The following PEX6 variants were observed in gnomAD, a reference collection of about 807,000 sequenced individuals.
PEX6 encodes peroxisome biogenesis factor 6.
PEX6 carries 55 observed loss-of-function variants against 85.6 expected under a neutral mutation model. The ratio of observed to expected loss-of-function variants is 0.64; its 90% CI spans 0.52 to 0.80. PEX6 has a LOEUF of 0.80. Ranked by LOEUF, PEX6 falls within the 30% of genes least tolerant of loss-of-function variation. PEX6 has a pLI of 0.00. For missense variants in PEX6, 1,099 were observed against 1,260.3 expected (o/e 0.87, Z 1.94); for synonymous variants, 519 against 549.1 (o/e 0.95, Z 0.77).
Position 42,966,382 on chromosome 6 carries a change from G to C in PEX6, c.2160C>G (p.Thr720=). Residue 720 remains threonine (T), a synonymous_variant, in exon 11 of 17, where the codon ACC becomes ACG. Transcript: ENST00000304611. ...LQEVKKEILE[T]IQLPLEHPEL... is the part of the protein sequence containing the mutation. ...CAGGGTGCTCCAGGGGGAGCTGAAT[G>C]GTCTCCAGGATCTCCTTCTTCACCT... 1 of 1,614,084 alleles carries C rather than the reference G, an allele frequency of 6.2e-7. No individual in the cohort carries two copies. Among genetic ancestry groups the C allele is most frequent in the Non-Finnish European group, 8.5e-7 (1 of 1,180,002 alleles).
chr6:42,973,039 T>C, intron 3 of PEX6, among the ~76,000 whole-genome samples: 1 of 151,966 alleles, frequency 6.6e-6, no homozygotes, highest in Non-Finnish European at 1.5e-5. Context: ...TGAGATGGAG[T>C]CTTGCTGTGT....
rs905371071 is a variant in PEX6 at position 42,971,656 on chromosome 6, G to A, written c.1131-1669C>T. ...TCTCAAGCCCAGTGCAGCTTAAAACGCTCATCTGTATCTGTCCTTGGACCC... is the reference window on the plus strand; with the variant it reads ...TCTCAAGCCCAGTGCAGCTTAAAACACTCATCTGTATCTGTCCTTGGACCC... On this transcript the variant is annotated intron_variant, in intron 3 of 16. Transcript: ENST00000304611. The surrounding 1 kb of genome is among the most constrained non-coding windows in gnomAD (Gnocchi z 4.4). Among the ~76,000 whole-genome samples the A allele has an allele frequency of 9.9e-5, 15 of 152,204 alleles. No homozygotes were observed. The highest frequency in any genetic ancestry group is 3.6e-4 in the African/African-American group (15 of 41,448).
At chr6:42,976,214 A>G (rs1770292829) in intron 1 of PEX6, among the ~76,000 whole-genome samples, 1 of 152,110 alleles carries the variant, frequency 6.6e-6, no homozygotes, top group Admixed American at 6.6e-5. Flanking sequence ...CATGTTAGCC[A>G]GGCTTACTTT....
In PEX6 at chr6:42,979,147, C is replaced by G; in HGVS notation, c.4G>C (p.Ala2Pro). The change falls in exon 1 of 17, where the codon GCG (alanine) becomes CCG (proline). Residue 2 changes from alanine to proline, a missense_variant. Ala to Pro is a conservative substitution (Grantham distance 27). Coordinates refer to ENST00000304611, the MANE Select transcript of PEX6 (RefSeq NM_000287.4). ...TCCAGGACCCGCAAGACAGCCAGCG[C>G]CATGGTGACAGGACACCAACGAGGA... M[A>P]LAVLRVLEPF... 1 of 1,578,270 alleles carries G rather than the reference C, an allele frequency of 6.3e-7. No individual in the cohort carries two copies. Among genetic ancestry groups the G allele is most frequent in the Non-Finnish European group, 8.5e-7 (1 of 1,170,814 alleles).
At chr6:42,967,689 G>T in intron 7 of PEX6, 126 bp from the exon 8 acceptor site, 2 of 765,042 alleles carry the variant, frequency 2.6e-6, no homozygotes, top group Non-Finnish European at 4.4e-6. Context: ...GTAGGGAGAT[G>T]AGCATCTACC....
In PEX6 at chr6:42,979,109, G is replaced by A. The variant is rs1375938727; in HGVS notation, c.42C>T (p.Thr14=). The change falls in exon 1 of 17, where the codon ACC becomes ACT. Residue 14 remains threonine, a synonymous_variant. Coordinates refer to ENST00000304611, the MANE Select transcript of PEX6 (RefSeq NM_000287.4). ...AVLRVLEPFP[T]ETPPLAVLLP... The stretch of plus-strand genomic sequence containing the variant: ...GCAGCACTGCCAACGGGGGTGTCTC[G>A]GTCGGAAAGGGCTCCAGGACCCGCA... The A allele has an allele frequency of 6.4e-7, 1 of 1,566,390 alleles. No individual in the cohort carries two copies. Among genetic ancestry groups the A allele is most frequent in the Non-Finnish European group, 8.6e-7 (1 of 1,164,816 alleles).
chr6:42,972,693 C>T (rs1315841665), intron 3 of PEX6, among the ~76,000 whole-genome samples: 1 of 151,170 alleles, frequency 6.6e-6, no homozygotes, highest in African/African-American at 2.4e-5. Context: ...TGGCATGAAC[C>T]CGGGAGGCGG....
Position 42,978,620 on chromosome 6 carries a change from TG to T in PEX6, c.530del (p.Pro177HisfsTer29), listed in dbSNP as rs61753213. ...CAAAGGAGGACACCACGGGCGGGGG[TG>T]GGGGCCGACTGCTGTCCCCAGACTC... ...CPESGDSSRP[P>X]PPPVVSSFAV... is the part of the protein sequence containing the mutation. On this transcript the variant is annotated frameshift_variant, in exon 1 of 17. Transcript: ENST00000304611. LOFTEE classifies it high-confidence loss of function. 26 of 1,597,382 alleles carry T rather than the reference TG, an allele frequency of 1.6e-5. No homozygotes were observed. Among genetic ancestry groups the T allele is most frequent in the Non-Finnish European group, 1.7e-6 (2 of 1,175,748 alleles).
At chr6:42,976,194 G>A (rs868343470) in intron 1 of PEX6, among the ~76,000 whole-genome samples, 5 of 151,792 alleles carry the variant, frequency 3.3e-5, no homozygotes, top group Non-Finnish European at 5.9e-5. Flanking sequence ...AAATAGAGAT[G>A]GGGTTTCGCC....
intron 1 of PEX6, among the ~76,000 whole-genome samples, chr6:42,975,314 T>G (rs1286780012): frequency 6.6e-6 from 1 of 152,116 alleles, no homozygotes; most frequent in Non-Finnish European, 1.5e-5. Flanking sequence ...GCCAGTGAAA[T>G]GGTAAAGACA....
intron 3 of PEX6, 147 bp from the exon 4 acceptor site, chr6:42,970,134 T>C: frequency 1.4e-6 from 1 of 715,998 alleles, no homozygotes; most frequent in South Asian, 1.5e-5. Context: ...GCAGATGGAC[T>C]TTCTCATCTT....
chr6:42,968,253 C>T (rs376954362), intron 7 of PEX6, 37 bp downstream of exon 7: 7 of 1,580,178 alleles, frequency 4.4e-6, no homozygotes, highest in Middle Eastern at 1.8e-4. Context: ...CCCAGCCGGC[C>T]CCCCCAGCTT....
chr6:42,969,465 A>T (rs992754208), intron 5 of PEX6, among the ~76,000 whole-genome samples: 1 of 152,168 alleles, frequency 6.6e-6, no homozygotes, highest in Non-Finnish European at 1.5e-5. Flanking sequence ...CCTGGAGGAC[A>T]GAGGTTATCC....
At chr6:42,972,887 AG>A (rs1388886389) in intron 3 of PEX6, among the ~76,000 whole-genome samples, 5 of 152,026 alleles carry the variant, frequency 3.3e-5, no homozygotes, top group Non-Finnish European at 5.9e-5. Flanking sequence ...CCTTACGTTG[AG>A]ATATGGATGG....
intron 3 of PEX6, among the ~76,000 whole-genome samples, chr6:42,973,673 C>G (rs187350047): frequency 6.6e-6 from 1 of 152,016 alleles, no homozygotes; most frequent in African/African-American, 2.4e-5. Context: ...GTCAACATGG[C>G]GAAACCCTAT....
intron 6 of PEX6, 138 bp from the exon 7 acceptor site, chr6:42,968,636 T>A: frequency 1.2e-6 from 1 of 813,712 alleles, no homozygotes; most frequent in East Asian, 2.7e-5. Flanking sequence ...CCTGGCCAAG[T>A]CCTACCTCTT....
In PEX6 at chr6:42,971,737, G is replaced by A. The variant is rs552952080; in HGVS notation, c.1131-1750C>T. 6.5e-4 allele frequency among the ~76,000 whole-genome samples: 99 copies of A among 152,206 alleles called. No homozygotes were observed. Among genetic ancestry groups the A allele is most frequent in the Non-Finnish European group, 1.2e-3 (85 of 68,036 alleles). On this transcript the variant is annotated intron_variant, in intron 3 of 16. Transcript: ENST00000304611. The surrounding 1 kb of genome is among the most constrained non-coding windows in gnomAD (Gnocchi z 4.4). ...TTGCGGGGAAAAGAACTATGTGCTC[G>A]GCACTCAGGAGGAAAGCAGGGTTCT...
intron 2 of PEX6, 96 bp from the exon 3 acceptor site, chr6:42,974,182 G>T: frequency 2.2e-6 from 2 of 911,860 alleles, no homozygotes; most frequent in Non-Finnish European, 3.6e-6. Flanking sequence ...ACTACTTCTT[G>T]AGTCTACTGC....
In PEX6 at chr6:42,964,618, T is replaced by C; in HGVS notation, c.2807-147A>G. On this transcript the variant is annotated intron_variant, in intron 16 of 16. Transcript: ENST00000304611. This position sits in a 1 kb window ranked among gnomAD's most constrained non-coding sequence, Gnocchi z 4.6. Reference sequence around the variant, plus strand: ...GGTTTGTCTCCCACTAGTTTTTTTTTTCCCTTAAACATTTTTTTTAGAGTT... The same window carrying C: ...GGTTTGTCTCCCACTAGTTTTTTTTCTCCCTTAAACATTTTTTTTAGAGTT... 1.5e-6 allele frequency: 2 copies of C among 1,323,390 alleles called. No individual in the cohort carries two copies. Among genetic ancestry groups the C allele is most frequent in the Non-Finnish European group, 2.1e-6 (2 of 940,818 alleles). The allele number at this position is 1,323,390 out of a possible 1,614,324, so 82.0% of individuals were successfully genotyped here.
Sources: gnomAD v4.1 joint callset for allele counts (sites outside exome capture counted in the v4.1 genomes callset) on GRCh38, gnomAD v4.1.1 for gene constraint, Gnocchi (gnomAD v3.1) non-coding constraint, MANE v1.5 for transcripts, NCBI Gene and HGNC (gene_info 2026-07-23, HGNC 2026-07-21) for gene names.